IRF2: variants seen among roughly 807,000 people sequenced by gnomAD.
IRF2 encodes the protein interferon regulatory factor 2.
A neutral mutation model predicts 40.6 loss-of-function variants in IRF2; 15 were observed. The observed-to-expected ratio is 0.37, with a 90% CI of 0.25 to 0.57. The LOEUF (loss-of-function observed/expected upper bound fraction) is 0.57. IRF2 is among the 20% of genes least tolerant of loss of function. The pLI, the probability that IRF2 is intolerant of heterozygous loss-of-function variation, is 0.77. For missense variants in IRF2, 317 were observed against 455.7 expected, an observed-to-expected ratio of 0.70 and a Z score of 2.77; for synonymous variants, 151 against 165.5, an observed-to-expected ratio of 0.91 and a Z score of 0.67.
At chr4:184,403,319 C>A (rs1453681808) in intron 6 of IRF2, among the ~76,000 whole-genome samples, 1 of 152,116 alleles carries the variant, frequency 6.6e-6, no homozygotes, top group Admixed American at 6.5e-5. Flanking sequence ...GACCACCAAG[C>A]GGCAAAACAG....
intron 6 of IRF2, among the ~76,000 whole-genome samples, chr4:184,401,361 C>T (rs887958605): frequency 9.2e-5 from 14 of 152,030 alleles, no homozygotes; most frequent in Admixed American, 5.9e-4. Flanking sequence ...AGGAAAGGCA[C>T]AAAAGAGGCT....
At position 184,408,255 on chromosome 4, in the gene IRF2, A is replaced by T; in HGVS notation, c.432T>A (p.Ser144=). The change falls in exon 6 of 9, where the codon TCT becomes TCA. Residue 144 remains serine (S), a synonymous_variant. Coordinates refer to ENST00000393593, the MANE Select transcript of IRF2 (RefSeq NM_002199.4). The surrounding 1 kb of genome is among the most constrained non-coding windows in gnomAD (Gnocchi z 4.9). The part of the protein sequence containing the change: ...KHIKQEPVES[S]LGLSNGVSDL... ...CACTTACTCCATTACTAAGCCCCAGAGATGACTCAACTGGTTCTTGCTAGG... is the reference window on the plus strand; with the variant it reads ...CACTTACTCCATTACTAAGCCCCAGTGATGACTCAACTGGTTCTTGCTAGG... 6.2e-7 allele frequency: 1 copy of T among 1,610,606 alleles called. No homozygotes were observed. Among genetic ancestry groups the T allele is most frequent in the Non-Finnish European group, 8.5e-7 (1 of 1,176,696 alleles).
chr4:184,394,698 G>A (rs1736383036), intron 7 of IRF2, among the ~76,000 whole-genome samples: 1 of 152,074 alleles, frequency 6.6e-6, no homozygotes, highest in African/African-American at 2.4e-5. Flanking sequence ...CTACTCTCCA[G>A]CCCCTCTTAC....
intron 5 of IRF2, among the ~76,000 whole-genome samples, chr4:184,415,843 G>GC (rs1737247658): frequency 6.6e-6 from 1 of 152,206 alleles, no homozygotes; most frequent in Non-Finnish European, 1.5e-5. Flanking sequence ...AAATGCGGAT[G>GC]CATCTATTCA....
intron 6 of IRF2, 76 bp from the exon 7 acceptor site, chr4:184,399,155 T>C: frequency 6.8e-7 from 1 of 1,465,096 alleles, no homozygotes; most frequent in Non-Finnish European, 9.1e-7. Flanking sequence ...GAAAGAGTCT[T>C]CCCCAAAAGA....
intron 7 of IRF2, among the ~76,000 whole-genome samples, chr4:184,396,462 C>T (rs1432081444): frequency 1.4e-5 from 2 of 148,112 alleles, no homozygotes; most frequent in African/African-American, 2.5e-5. Flanking sequence ...AAGACAGGAT[C>T]TCGCTCTGTC....
chr4:184,427,935 C>G (rs60173200), intron 2 of IRF2, among the ~76,000 whole-genome samples: 3,524 of 152,194 alleles, frequency 0.023, 147 homozygotes, highest in African/African-American at 0.08. Flanking sequence ...GGCATTGACT[C>G]AGAACTGTTC....
intron 1 of IRF2, among the ~76,000 whole-genome samples, chr4:184,436,964 C>T (rs1202864626): frequency 1.5e-4 from 23 of 152,226 alleles, no homozygotes; most frequent in Admixed American, 1.2e-3. Flanking sequence ...TAGCTCACTA[C>T]AGTCCTGACT....
In IRF2 at chr4:184,387,871, G is replaced by C. The variant is rs1172304258; in HGVS notation, c.*887C>G. On this transcript the variant is annotated 3_prime_UTR_variant, in exon 9 of 9. Transcript: ENST00000393593. ...TGTAATAACAACTGCTGATAAACAA[G>C]AAAAGGAATCTTAAAATTATAAATT... 6.7e-6 allele frequency: 1 copy of C among 150,162 alleles called. No homozygotes were observed. Among genetic ancestry groups the C allele is most frequent in the Non-Finnish European group, 1.5e-5 (1 of 67,598 alleles). 9.3% of individuals were successfully genotyped at this position (150,162 alleles called of 1,614,324 possible).
chr4:184,445,855 C>G (rs1212267939), intron 1 of IRF2, among the ~76,000 whole-genome samples: 1 of 152,072 alleles, frequency 6.6e-6, no homozygotes, highest in East Asian at 1.9e-4. Context: ...CCACCTGGAG[C>G]CTGTGAATGT....
intron 1 of IRF2, among the ~76,000 whole-genome samples, chr4:184,466,215 T>C (rs566752643): frequency 6.6e-6 from 1 of 152,218 alleles, no homozygotes; most frequent in African/African-American, 2.4e-5. Context: ...CATGCCCAGC[T>C]AATTTTTGTA....
intron 2 of IRF2, among the ~76,000 whole-genome samples, chr4:184,421,920 C>T (rs919695424): frequency 1.3e-5 from 2 of 152,132 alleles, no homozygotes; most frequent in African/African-American, 4.8e-5. Context: ...GCTAGTGTTG[C>T]AGGTGGGGTC....
At chr4:184,392,999 G>C (rs765862584) in intron 7 of IRF2, among the ~76,000 whole-genome samples, 1 of 152,078 alleles carries the variant, frequency 6.6e-6, no homozygotes, top group Admixed American at 6.5e-5. Flanking sequence ...TGACGTTGCC[G>C]AGCACAAGAA....
chr4:184,390,691 G>GC lies in IRF2; in HGVS notation c.741+11dup, dbSNP rs1561079329. On this transcript the variant is annotated intron_variant, in intron 8 of 8. Coordinates refer to ENST00000393593, the MANE Select transcript of IRF2 (RefSeq NM_002199.4). ...CTTGGCAGCATCGTGGGCAGGCTGGGCAGTGGCTTACCTCGGCACTCTCTT... is the reference window on the plus strand; with the variant it reads ...CTTGGCAGCATCGTGGGCAGGCTGGGCCAGTGGCTTACCTCGGCACTCTCTT... 1 of 1,614,030 alleles carries GC rather than the reference G, an allele frequency of 6.2e-7. No homozygotes were observed.
intron 1 of IRF2, among the ~76,000 whole-genome samples, chr4:184,467,673 GATCTTCCCAAA>G (rs1297735582): frequency 1.3e-5 from 2 of 152,162 alleles, no homozygotes; most frequent in African/African-American, 4.8e-5. Context: ...TACTTCTTTG[GATCTTCCCAAA>G]ATCTGACATT....
At chr4:184,406,526 C>T (rs1736863506) in intron 6 of IRF2, among the ~76,000 whole-genome samples, 2 of 152,164 alleles carry the variant, frequency 1.3e-5, no homozygotes, top group African/African-American at 4.8e-5. Flanking sequence ...CCGCGCCCAG[C>T]CTCAGAGCTA....
intron 8 of IRF2, among the ~76,000 whole-genome samples, chr4:184,389,309 T>G (rs1209510714): frequency 6.6e-6 from 1 of 152,022 alleles, no homozygotes; most frequent in African/African-American, 2.4e-5. Flanking sequence ...CCCCAGCAAC[T>G]CGGGAGGCTG....
intron 1 of IRF2, among the ~76,000 whole-genome samples, chr4:184,465,366 A>C (rs1381880747): frequency 6.6e-6 from 1 of 152,174 alleles, no homozygotes; most frequent in Non-Finnish European, 1.5e-5. Flanking sequence ...CCTTACGTGG[A>C]CCAGAGGTGA....
intron 1 of IRF2, among the ~76,000 whole-genome samples, chr4:184,441,451 A>T (rs1346955962): frequency 2.6e-5 from 4 of 152,172 alleles, no homozygotes; most frequent in Non-Finnish European, 4.4e-5. Context: ...CCTGCTCGTG[A>T]CACCCCTGTA....
Sources: allele counts gnomAD v4.1 joint callset (sites outside exome capture counted in the v4.1 genomes callset), GRCh38; gene constraint gnomAD v4.1.1; non-coding constraint Gnocchi (gnomAD v3.1); transcripts MANE v1.5; gene names NCBI Gene and HGNC (gene_info 2026-07-23, HGNC 2026-07-21).